Variants in TMEFF2 observed in about 807,000 individuals in gnomAD.
TMEFF2 encodes the protein tomoregulin-2.
A neutral mutation model predicts 53.8 loss-of-function variants in TMEFF2; 28 were observed. That is an observed-to-expected ratio of 0.52 (90% CI 0.39 to 0.71). The LOEUF (loss-of-function observed/expected upper bound fraction) is 0.71. Among genes scored for constraint, TMEFF2 ranks in the 30% least tolerant of loss-of-function variants. The pLI is 0.00. For synonymous variants in TMEFF2, 162 were observed against 166.3 expected (o/e 0.97, Z 0.20); for missense variants, 353 against 455.2 (o/e 0.78, Z 2.04).
chr2:191,954,709 AAAGT>A (rs1692010696), intron 8 of TMEFF2, among the ~76,000 whole-genome samples: 1 of 152,148 alleles, frequency 6.6e-6, no homozygotes, highest in Non-Finnish European at 1.5e-5. Context: ...TTGTTAGAAA[AAAGT>A]AAGTATGACG....
chr2:192,079,487 T>C (rs1003475850), intron 4 of TMEFF2, among the ~76,000 whole-genome samples: 3 of 152,202 alleles, frequency 2.0e-5, no homozygotes, highest in Non-Finnish European at 4.4e-5. Context: ...AGAAAAAACA[T>C]GGATCTCTGA....
intron 7 of TMEFF2, among the ~76,000 whole-genome samples, chr2:191,983,485 T>G (rs903607390): frequency 6.6e-6 from 1 of 151,908 alleles, no homozygotes; most frequent in Non-Finnish European, 1.5e-5. Context: ...GCAGGAGAAC[T>G]TTAGTCACCT....
chr2:192,172,240 C>T (rs1690933844), intron 4 of TMEFF2, among the ~76,000 whole-genome samples: 1 of 151,746 alleles, frequency 6.6e-6, no homozygotes, highest in Non-Finnish European at 1.5e-5. Flanking sequence ...TCAAATTCAC[C>T]CTCTTCCCAA....
intron 7 of TMEFF2, among the ~76,000 whole-genome samples, chr2:191,960,028 GA>G (rs1237322036): frequency 6.6e-6 from 1 of 152,036 alleles, no homozygotes; most frequent in Non-Finnish European, 1.5e-5. Context: ...AGGCATGTGG[GA>G]CTAGCTAACT....
At chr2:192,173,061 T>A (rs1201987852) in intron 4 of TMEFF2, among the ~76,000 whole-genome samples, 1 of 151,894 alleles carries the variant, frequency 6.6e-6, no homozygotes, top group East Asian at 1.9e-4. Context: ...AGGAATAAGA[T>A]CTAGTGTTTG....
intron 4 of TMEFF2, among the ~76,000 whole-genome samples, chr2:192,140,628 G>A (rs1690115021): frequency 6.6e-6 from 1 of 152,122 alleles, no homozygotes; most frequent in South Asian, 2.1e-4. Flanking sequence ...GGTTCACCAT[G>A]ATAAGAGAAT....
rs890505429 is a variant in TMEFF2, at chr2:192,179,794, ATTGT to A, written c.413-104_413-101del. The A allele has an allele frequency of 5.8e-6, 6 of 1,037,038 alleles. No homozygotes were observed. In the African/African-American group the frequency reaches 8.5e-5, roughly 15 times the overall value. The allele number at this position is 1,037,038 out of a possible 1,614,324, so 64.2% of individuals were successfully genotyped here. On this transcript the variant is annotated intron_variant, in intron 3 of 9. Transcript: ENST00000272771. ...TTTCTTAGTTTAATACTGCAATAATATTGTTTGAGAAAAATACTAATATTTAATC... is the reference window on the plus strand; with the variant it reads ...TTTCTTAGTTTAATACTGCAATAATATTGAGAAAAATACTAATATTTAATC...
At chr2:192,145,216 T>C (rs545816530) in intron 4 of TMEFF2, among the ~76,000 whole-genome samples, 80 of 152,106 alleles carry the variant, frequency 5.3e-4, no homozygotes, top group African/African-American at 1.9e-3. Flanking sequence ...CTTTGAAAAG[T>C]AACTAATTTT....
chr2:192,140,378 T>C (rs906562151), intron 4 of TMEFF2, among the ~76,000 whole-genome samples: 1 of 152,330 alleles, frequency 6.6e-6, no homozygotes, highest in Non-Finnish European at 1.5e-5. Context: ...CACTATGAGC[T>C]AACCACATAA....
intron 5 of TMEFF2, among the ~76,000 whole-genome samples, chr2:192,034,031 C>T (rs1017881062): frequency 5.3e-4 from 80 of 151,850 alleles, no homozygotes; most frequent in African/African-American, 2.2e-4. Context: ...AAAAATTAGC[C>T]GGGCGTGGTG....
intron 4 of TMEFF2, among the ~76,000 whole-genome samples, chr2:192,131,767 C>G (rs1216718089): frequency 2.0e-5 from 3 of 152,138 alleles, no homozygotes; most frequent in African/African-American, 7.2e-5. Context: ...CTCTTCAACT[C>G]TCACCTGACC....
chr2:192,108,049 A>C (rs1012324375), intron 4 of TMEFF2, among the ~76,000 whole-genome samples: 1 of 151,808 alleles, frequency 6.6e-6, no homozygotes, highest in Non-Finnish European at 1.5e-5. Flanking sequence ...CTGAATAGAA[A>C]AAAGTGTAAC....
intron 4 of TMEFF2, among the ~76,000 whole-genome samples, chr2:192,102,063 C>T (rs16834204): frequency 1.3e-4 from 20 of 151,962 alleles, no homozygotes; most frequent in East Asian, 5.8e-4. Context: ...TTAGTTTTGG[C>T]GTGACTAAGC....
intron 7 of TMEFF2, among the ~76,000 whole-genome samples, chr2:191,973,983 C>T (rs1257406709): frequency 6.6e-6 from 1 of 152,124 alleles, no homozygotes; most frequent in African/African-American, 2.4e-5. Flanking sequence ...TCAATTAAAC[C>T]CCTTTCCTTT....
intron 4 of TMEFF2, among the ~76,000 whole-genome samples, chr2:192,136,098 A>G (rs1042846486): frequency 2.6e-5 from 4 of 152,126 alleles, no homozygotes; most frequent in Non-Finnish European, 2.9e-5. Context: ...CTCTTCACAC[A>G]GACGCGCATG....
chr2:192,112,532 G>A (rs931291248), intron 4 of TMEFF2, among the ~76,000 whole-genome samples: 65 of 152,268 alleles, frequency 4.3e-4, no homozygotes, highest in African/African-American at 1.5e-3. Flanking sequence ...AGATGGAGGG[G>A]ACTTGCCTTG....
chr2:191,972,214 G>A (rs1462345027), intron 7 of TMEFF2, among the ~76,000 whole-genome samples: 1 of 150,146 alleles, frequency 6.7e-6, no homozygotes, highest in Non-Finnish European at 1.5e-5. Flanking sequence ...GTGCAATCTT[G>A]GCTCACTGCA....
intron 7 of TMEFF2, among the ~76,000 whole-genome samples, chr2:191,976,284 GA>G (rs1685723729): frequency 6.6e-6 from 1 of 151,838 alleles, no homozygotes; most frequent in Non-Finnish European, 1.5e-5. Flanking sequence ...TTATTATGAG[GA>G]ATACATGAGA....
chr2:192,135,796 T>C (rs1199561251), intron 4 of TMEFF2, among the ~76,000 whole-genome samples: 3 of 151,938 alleles, frequency 2.0e-5, no homozygotes, highest in Non-Finnish European at 4.4e-5. Flanking sequence ...TGCCCCGCCT[T>C]AACTGATGAC....
Sources: allele counts gnomAD v4.1 joint callset (sites outside exome capture counted in the v4.1 genomes callset), GRCh38; gene constraint gnomAD v4.1.1; transcripts MANE v1.5; gene names NCBI Gene and HGNC (gene_info 2026-07-23, HGNC 2026-07-21).